SMURF1: variants seen among roughly 807,000 people sequenced by gnomAD.
SMURF1 encodes the protein SMAD specific E3 ubiquitin protein ligase 1, also known as E3 ubiquitin-protein ligase SMURF1.
SMURF1 carries 44 observed loss-of-function variants against 98.0 expected under a neutral mutation model. That is an observed-to-expected ratio of 0.45 (90% CI 0.35 to 0.58). The LOEUF is 0.58. Ranked by LOEUF, SMURF1 falls within the 20% of genes least tolerant of loss-of-function variation. The pLI is 0.00. For missense variants in SMURF1, 687 were observed against 938.4 expected (o/e 0.73, Z 3.50); for synonymous variants, 396 against 374.9 (o/e 1.06, Z -0.65).
At chr7:99,069,384 C>T (rs565860192) in intron 1 of SMURF1, among the ~76,000 whole-genome samples, 2 of 152,284 alleles carry the variant, frequency 1.3e-5, no homozygotes, top group South Asian at 2.1e-4. Flanking sequence ...TCTGGGCCAG[C>T]GTTTCGCTCT....
chr7:99,030,044 TATTTTCCAGTTG>T lies in SMURF1; in HGVS notation c.*528_*539del, dbSNP rs1274410803. The T allele has an allele frequency of 1.3e-5, 2 of 153,760 alleles. No homozygotes were observed. Among genetic ancestry groups the T allele is most frequent in the African/African-American group, 2.4e-5 (1 of 41,486 alleles). 9.5% of individuals were successfully genotyped at this position (153,760 alleles called of 1,614,324 possible). A position where few individuals can be genotyped will look rare whatever the true frequency, so the allele number is the denominator to read the frequency against. ...TTCCAATAAGCATACATTATATAGT[TATTTTCCAGTTG>T]GAAATTGATCTGCTACCCAGAACCG... On this transcript the variant is annotated 3_prime_UTR_variant, in exon 18 of 18. Transcript: ENST00000361368.
chr7:99,049,382 G>T, intron 9 of SMURF1, 181 bp downstream of exon 9: 2 of 640,680 alleles, frequency 3.1e-6, no homozygotes, highest in Non-Finnish European at 5.2e-6. Flanking sequence ...GGGCTTCAGT[G>T]CTCTTCACAG....
intron 1 of SMURF1, among the ~76,000 whole-genome samples, chr7:99,138,253 T>C (rs1208932852): frequency 1.3e-5 from 2 of 152,222 alleles, no homozygotes; most frequent in Non-Finnish European, 2.9e-5. Flanking sequence ...TATCAAGTTA[T>C]TTCATCCATT....
chr7:99,120,190 T>TC (rs1444119262), intron 1 of SMURF1, among the ~76,000 whole-genome samples: 2 of 152,066 alleles, frequency 1.3e-5, no homozygotes, highest in African/African-American at 4.8e-5. Context: ...TCCTGAGGCC[T>TC]CCCCAGAAGC....
At chr7:99,060,823 T>G (rs1230781509) in intron 2 of SMURF1, 116 bp from the exon 3 acceptor site, 36 of 646,514 alleles carry the variant, frequency 5.6e-5, no homozygotes, top group Non-Finnish European at 2.6e-6. Flanking sequence ...AAATAAGTTA[T>G]GTCTATTGAG....
chr7:99,058,133 A>AT (rs1044068479), intron 3 of SMURF1, among the ~76,000 whole-genome samples: 1 of 151,616 alleles, frequency 6.6e-6, no homozygotes, highest in Non-Finnish European at 1.5e-5. Flanking sequence ...ATTTTTATTT[A>AT]TTTTTTTATT....
chr7:99,122,772 A>G (rs34153004), intron 1 of SMURF1, among the ~76,000 whole-genome samples: 24,069 of 131,556 alleles, frequency 0.18, 2,502 homozygotes, highest in South Asian at 0.33. Context: ...TTTTTTTTAC[A>G]TAATTAAAAT....
At chr7:99,061,451 G>C (rs1485193379) in intron 2 of SMURF1, among the ~76,000 whole-genome samples, 1 of 152,140 alleles carries the variant, frequency 6.6e-6, no homozygotes, top group East Asian at 1.9e-4. Flanking sequence ...ACAATTGTAT[G>C]CAAATCCAGC....
chr7:99,041,017 AAGGAAGAGAGGGAAAGAG>A (rs1377767981), intron 12 of SMURF1, among the ~76,000 whole-genome samples: 8 of 152,288 alleles, frequency 5.3e-5, no homozygotes, highest in African/African-American at 9.6e-5. Flanking sequence ...TCCAGAACGA[AAGGAAGAGAGGGAAAGAG>A]AGGGAGGGAG....
At chr7:99,064,028 G>A (rs1291472149) in intron 1 of SMURF1, among the ~76,000 whole-genome samples, 1 of 152,154 alleles carries the variant, frequency 6.6e-6, no homozygotes, top group Non-Finnish European at 1.5e-5. Context: ...TTGAGATGCT[G>A]TTTTGGTGTT....
chr7:99,121,757 C>T (rs1331832957), intron 1 of SMURF1, among the ~76,000 whole-genome samples: 3 of 152,194 alleles, frequency 2.0e-5, no homozygotes, highest in African/African-American at 7.2e-5. Flanking sequence ...TCACTAAAAC[C>T]TCTTGGCGCA....
chr7:99,059,381 G>C (rs1206157369), intron 3 of SMURF1, among the ~76,000 whole-genome samples: 1 of 135,396 alleles, frequency 7.4e-6, no homozygotes, highest in African/African-American at 2.9e-5. Context: ...CTGGGCGACA[G>C]AGCAAGACTC....
chr7:99,140,516 G>C (rs11975084), intron 1 of SMURF1, among the ~76,000 whole-genome samples: 7,669 of 152,076 alleles, frequency 0.05, 639 homozygotes, highest in African/African-American at 0.17. Context: ...TCAATCTCCT[G>C]ACCTCGTGAT....
intron 14 of SMURF1, 66 bp from the exon 15 acceptor site, chr7:99,037,253 T>C (rs980025219): frequency 3.1e-6 from 5 of 1,606,008 alleles, no homozygotes; most frequent in Non-Finnish European, 4.3e-6. Context: ...CAGGTTTTTT[T>C]TGGAGACAGG....
chr7:99,046,151 G>T (rs73709534), intron 10 of SMURF1, among the ~76,000 whole-genome samples: 7 of 152,006 alleles, frequency 4.6e-5, no homozygotes, highest in African/African-American at 1.7e-4. Context: ...CTTGTGCATC[G>T]CAACCAAAAT....
chr7:99,137,467 T>C (rs997182280), intron 1 of SMURF1, among the ~76,000 whole-genome samples: 1 of 152,224 alleles, frequency 6.6e-6, no homozygotes, highest in African/African-American at 2.4e-5. Context: ...GAAAGCATCA[T>C]GCCCTTTAGA....
intron 1 of SMURF1, among the ~76,000 whole-genome samples, chr7:99,099,396 AC>A (rs1043744141): frequency 1.3e-5 from 2 of 152,158 alleles, no homozygotes; most frequent in Non-Finnish European, 2.9e-5. Flanking sequence ...ATAAAAGAGA[AC>A]AGTAACACTG....
At chr7:99,109,784 T>C (rs1237102343) in intron 1 of SMURF1, among the ~76,000 whole-genome samples, 1 of 152,266 alleles carries the variant, frequency 6.6e-6, no homozygotes, top group East Asian at 1.9e-4. Flanking sequence ...AGTATGATTT[T>C]TTTAAACTTA....
chr7:99,077,933 A>G (rs574966290), intron 1 of SMURF1, among the ~76,000 whole-genome samples: 37 of 152,338 alleles, frequency 2.4e-4, no homozygotes, highest in African/African-American at 8.7e-4. Flanking sequence ...GAAAGGGCTC[A>G]TTCTATTACT....
Sources: allele counts gnomAD v4.1 joint callset (sites outside exome capture counted in the v4.1 genomes callset), GRCh38; gene constraint gnomAD v4.1.1; transcripts MANE v1.5; gene names NCBI Gene and HGNC (gene_info 2026-07-23, HGNC 2026-07-21).